PRKD1: variants seen among roughly 807,000 people sequenced by gnomAD.
The protein encoded by PRKD1 is protein kinase D1, also known as serine/threonine-protein kinase D1.
Under a neutral mutation model 95.9 loss-of-function variants are expected in PRKD1, and 63 were observed. The ratio of observed to expected loss-of-function variants is 0.66; its 90% CI spans 0.54 to 0.81. The LOEUF (loss-of-function observed/expected upper bound fraction) is 0.81. Among genes scored for constraint, PRKD1 ranks in the 30% least tolerant of loss-of-function variants. The pLI, the probability that PRKD1 is intolerant of heterozygous loss-of-function variation, is 0.00. For missense variants in PRKD1, 1,048 were observed against 1,165.3 expected, an observed-to-expected ratio of 0.90 and a Z score of 1.47; for synonymous variants, 425 against 423.1, an observed-to-expected ratio of 1.00 and a Z score of -0.05.
chr14:29,877,351 T>C (rs1260633598), intron 1 of PRKD1, among the ~76,000 whole-genome samples: 2 of 152,238 alleles, frequency 1.3e-5, no homozygotes, highest in African/African-American at 4.8e-5. Flanking sequence ...TGCTTTGTTT[T>C]TCTCATACAT....
At chr14:29,684,921 T>C (rs927839687) in intron 2 of PRKD1, among the ~76,000 whole-genome samples, 1 of 152,250 alleles carries the variant, frequency 6.6e-6, no homozygotes, top group Non-Finnish European at 1.5e-5. Flanking sequence ...TGCTTTGATT[T>C]CTAAATTCCA....
rs1358562667 is a variant in PRKD1 at position 29,576,665 on chromosome 14, C to T, written c.*573G>A. On this transcript the variant is annotated 3_prime_UTR_variant, in exon 18 of 18. Transcript: ENST00000331968. ...GGTCTTGCACAGCTAGGTGCATTGT[C>T]TTGAGTTTAAATATACTGAGGCACA... 3 of 164,256 alleles carry T rather than the reference C, an allele frequency of 1.8e-5. No homozygotes were observed. The highest frequency in any genetic ancestry group is 1.6e-4 in the South Asian group (1 of 6,280). 10.2% of individuals were successfully genotyped at this position (164,256 alleles called of 1,614,324 possible).
intron 6 of PRKD1, among the ~76,000 whole-genome samples, chr14:29,637,272 T>C (rs1880450126): frequency 6.6e-6 from 1 of 152,184 alleles, no homozygotes. Context: ...AATTCCAATA[T>C]ATTAAATTGG....
intron 16 of PRKD1, among the ~76,000 whole-genome samples, chr14:29,586,630 T>C (rs1329548781): frequency 6.6e-6 from 1 of 152,144 alleles, no homozygotes; most frequent in African/African-American, 2.4e-5. Flanking sequence ...CGTTTCACTT[T>C]ACTCTCTCCT....
At chr14:29,673,770 C>T (rs558815406) in intron 2 of PRKD1, among the ~76,000 whole-genome samples, 3 of 152,196 alleles carry the variant, frequency 2.0e-5, no homozygotes, top group Non-Finnish European at 4.4e-5. Context: ...AGAATAATAT[C>T]TTGGATCACA....
chr14:29,666,890 T>C (rs889837843), intron 2 of PRKD1, among the ~76,000 whole-genome samples: 2 of 152,174 alleles, frequency 1.3e-5, no homozygotes, highest in Non-Finnish European at 2.9e-5. Context: ...ATATTCATGT[T>C]GTAGGGAACT....
In PRKD1 at chr14:29,637,455, T is replaced by A. The variant is rs375259671; in HGVS notation, c.986-961A>T. Among the ~76,000 whole-genome samples, 6 of 152,106 alleles carry A rather than the reference T, an allele frequency of 3.9e-5. No homozygotes were observed. In the East Asian group the frequency reaches 1.2e-3, roughly 29 times the overall value. Reference sequence around the variant, plus strand: ...ACTCTAGCCTGCCAAGCTTGGAAAATTCACATTTTACCAGATTTTTCTGAA... The same window carrying A: ...ACTCTAGCCTGCCAAGCTTGGAAAAATCACATTTTACCAGATTTTTCTGAA... On this transcript the variant is annotated intron_variant, in intron 6 of 17. Transcript: ENST00000331968.
At chr14:29,582,761 T>A (rs755241671) in intron 16 of PRKD1, among the ~76,000 whole-genome samples, 3 of 152,102 alleles carry the variant, frequency 2.0e-5, no homozygotes, top group Admixed American at 1.3e-4. Flanking sequence ...AGAGCCCAAC[T>A]GGGGTCTGGA....
chr14:29,882,523 G>A (rs908322133), intron 1 of PRKD1, among the ~76,000 whole-genome samples: 1 of 152,170 alleles, frequency 6.6e-6, no homozygotes, highest in East Asian at 1.9e-4. Flanking sequence ...GAGATAATAT[G>A]ACATAAAATT....
At chr14:29,832,475 C>G (rs1372902303) in intron 1 of PRKD1, among the ~76,000 whole-genome samples, 1 of 151,766 alleles carries the variant, frequency 6.6e-6, no homozygotes, top group Non-Finnish European at 1.5e-5. Context: ...CAAAAATTGG[C>G]CTTTAGTTTT....
chr14:29,699,022 C>G (rs564173766), intron 2 of PRKD1, among the ~76,000 whole-genome samples: 1 of 152,264 alleles, frequency 6.6e-6, no homozygotes, highest in East Asian at 1.9e-4. Context: ...TCAATCACTA[C>G]AGATTTCCTT....
At chr14:29,661,475 T>C (rs911936914) in intron 4 of PRKD1, among the ~76,000 whole-genome samples, 5 of 152,110 alleles carry the variant, frequency 3.3e-5, no homozygotes, top group African/African-American at 1.2e-4. Flanking sequence ...GGCATGGTAC[T>C]CCCCGTGTGC....
intron 1 of PRKD1, among the ~76,000 whole-genome samples, chr14:29,860,258 G>A (rs1353237304): frequency 1.3e-5 from 2 of 152,226 alleles, no homozygotes; most frequent in Non-Finnish European, 2.9e-5. Flanking sequence ...CCACTGTGTT[G>A]CAGCGAAGGC....
At chr14:29,895,382 T>C (rs1894087008) in intron 1 of PRKD1, among the ~76,000 whole-genome samples, 1 of 152,138 alleles carries the variant, frequency 6.6e-6, no homozygotes. Flanking sequence ...CTCCCCACCC[T>C]GACTGCTCAC....
intron 1 of PRKD1, among the ~76,000 whole-genome samples, chr14:29,733,257 C>G (rs1266517202): frequency 2.0e-5 from 3 of 151,850 alleles, no homozygotes; most frequent in Non-Finnish European, 4.4e-5. Context: ...CGCCCGCCAC[C>G]ACACCTGGCT....
chr14:29,618,950 C>A (rs1879058895), intron 13 of PRKD1, among the ~76,000 whole-genome samples: 2 of 152,160 alleles, frequency 1.3e-5, no homozygotes, highest in Non-Finnish European at 2.9e-5. Context: ...GCATTTCAAC[C>A]CACATGGTCC....
chr14:29,706,292 T>G (rs963246021), intron 2 of PRKD1, among the ~76,000 whole-genome samples: 1 of 152,152 alleles, frequency 6.6e-6, no homozygotes, highest in Non-Finnish European at 1.5e-5. Context: ...TAAAATTGGT[T>G]TCCCCATTTC....
chr14:29,681,172 CT>C (rs766458087), intron 2 of PRKD1, among the ~76,000 whole-genome samples: 1 of 152,164 alleles, frequency 6.6e-6, no homozygotes, highest in Admixed American at 6.5e-5. Flanking sequence ...TTTCTCATCA[CT>C]TGTAAAAGCA....
chr14:29,812,044 A>T (rs1215389926), intron 1 of PRKD1: 1 of 152,188 alleles, frequency 6.6e-6, no homozygotes. Flanking sequence ...ATACACATAC[A>T]CATACACACA....
Sources: gnomAD v4.1 joint callset for allele counts (sites outside exome capture counted in the v4.1 genomes callset) on GRCh38, gnomAD v4.1.1 for gene constraint, MANE v1.5 for transcripts, NCBI Gene and HGNC (gene_info 2026-07-23, HGNC 2026-07-21) for gene names.